Variants in DDX1 observed in about 807,000 individuals in gnomAD.
DDX1 encodes DEAD-box helicase 1.
DDX1 carries 28 observed loss-of-function variants against 108.7 expected under a neutral mutation model. The ratio of observed to expected loss-of-function variants is 0.26; its 90% CI spans 0.19 to 0.35. DDX1 has a LOEUF of 0.35. DDX1 is among the 10% of genes least tolerant of loss of function. The pLI, the probability that DDX1 is intolerant of heterozygous loss-of-function variation, is 1.00. For missense variants in DDX1, 710 were observed against 884.5 expected, an observed-to-expected ratio of 0.80 and a Z score of 2.50; for synonymous variants, 295 against 288.9, an observed-to-expected ratio of 1.02 and a Z score of -0.21.
intron 13 of DDX1, 93 bp downstream of exon 13, chr2:15,607,406 C>A: frequency 1.8e-6 from 2 of 1,136,270 alleles, no homozygotes; most frequent in Admixed American, 2.0e-5. Flanking sequence ...AGTAGAAATT[C>A]AGTGTGTATA....
intron 6 of DDX1, 88 bp from the exon 7 acceptor site, chr2:15,602,460 A>G (rs1665602098): frequency 1.1e-6 from 1 of 872,474 alleles, no homozygotes; most frequent in Non-Finnish European, 1.9e-6. Context: ...GTGAGACTGA[A>G]TGATTTTTTT....
At chr2:15,608,762 ACTC>A (rs1665710872) in intron 13 of DDX1, among the ~76,000 whole-genome samples, 1 of 145,836 alleles carries the variant, frequency 6.9e-6, no homozygotes, top group Non-Finnish European at 1.5e-5. Flanking sequence ...GTAGCCTTGA[ACTC>A]CTAGACTCAA....
intron 1 of DDX1, 148 bp downstream of exon 1, chr2:15,592,097 G>C (rs978914276): frequency 5.6e-5 from 43 of 770,394 alleles, no homozygotes; most frequent in Non-Finnish European, 7.3e-5. Context: ...ATGGACCCGC[G>C]TTGCGGGATC....
At chr2:15,594,308 A>ATATATTTTTATGATAAAGC (rs1315442243) in intron 1 of DDX1, among the ~76,000 whole-genome samples, 3 of 152,174 alleles carry the variant, frequency 2.0e-5, no homozygotes. Flanking sequence ...TTATAGGAAT[A>ATATATTTTTATGATAAAGC]TATATTTTTA....
chr2:15,621,018 T>G (rs774948553), intron 17 of DDX1, 47 bp from the exon 18 acceptor site: 1 of 1,210,832 alleles, frequency 8.3e-7, no homozygotes, highest in Non-Finnish European at 1.2e-6. Flanking sequence ...TTCTGAATCA[T>G]TATTTAACCA....
intron 19 of DDX1, 112 bp downstream of exon 19, chr2:15,623,694 C>A (rs1483302652): frequency 3.5e-6 from 3 of 854,774 alleles, no homozygotes; most frequent in Non-Finnish European, 5.5e-6. Context: ...CAGTTGATGG[C>A]ATATTTTAAG....
chr2:15,605,721 C>G (rs1031931028), intron 10 of DDX1, among the ~76,000 whole-genome samples: 9 of 151,984 alleles, frequency 5.9e-5, no homozygotes, highest in Non-Finnish European at 1.0e-4. Flanking sequence ...TTTGAAATGT[C>G]TAATGGAAAT....
At chr2:15,606,787 ACATAT>A (rs1344815384) in intron 12 of DDX1, among the ~76,000 whole-genome samples, 1 of 152,200 alleles carries the variant, frequency 6.6e-6, no homozygotes, top group African/African-American at 2.4e-5. Flanking sequence ...ATTTTTGTAG[ACATAT>A]CAATCAATTA....
intron 25 of DDX1, 130 bp downstream of exon 25, chr2:15,630,240 T>G: frequency 1.1e-6 from 1 of 887,068 alleles, no homozygotes. Context: ...CATTCCCTCC[T>G]TATTACCCTC....
chr2:15,629,043 A>G (rs1156742942), intron 23 of DDX1, among the ~76,000 whole-genome samples: 2 of 152,114 alleles, frequency 1.3e-5, no homozygotes, highest in Admixed American at 1.3e-4. Flanking sequence ...GCAAAATATA[A>G]TTTTTCCAAC....
chr2:15,594,725 A>C (rs769735946), intron 1 of DDX1, among the ~76,000 whole-genome samples: 17 of 152,230 alleles, frequency 1.1e-4, no homozygotes, highest in Admixed American at 3.3e-4. Flanking sequence ...CATAACTGCC[A>C]CATTGTCTCT....
chr2:15,618,585 T>C lies in DDX1; in HGVS notation c.1206+315T>C, dbSNP rs564873045. ...GGGCGGGTAGCTCCAGGCACTGGCA[T>C]GGGCACCGGCTCTCTGTGAGGCTGG... On this transcript the variant is annotated intron_variant, in intron 16 of 25. Transcript: ENST00000233084. Among the ~76,000 whole-genome samples the C allele has an allele frequency of 1.8e-4, 27 of 152,338 alleles. 1 individual carries two copies. In the South Asian group the frequency reaches 5.4e-3, roughly 30 times the overall value.
At chr2:15,592,137 C>T (rs566206816) in intron 1 of DDX1, among the ~76,000 whole-genome samples, 188 bp downstream of exon 1, 1 of 152,360 alleles carries the variant, frequency 6.6e-6, no homozygotes, top group South Asian at 2.1e-4. Context: ...GTTCGGAGGA[C>T]GATTCTTCCC....
intron 13 of DDX1, among the ~76,000 whole-genome samples, chr2:15,612,814 G>C (rs555996010): frequency 6.6e-6 from 1 of 152,192 alleles, no homozygotes; most frequent in Non-Finnish European, 1.5e-5. Context: ...AGACCAGCCC[G>C]GCCAACACAG....
chr2:15,618,249 C>G lies in DDX1; in HGVS notation c.1185C>G (p.Thr395=), dbSNP rs762573942. ...TGCACAATCAGATTCCTCAGGTTAC[C>G]TCTGATGGAAAAAGACTTCAGGTAT... ...NRMHNQIPQV[T]SDGKRLQVIV... The change falls in exon 16 of 26, where the codon ACC becomes ACG. Residue 395 remains threonine (T), a synonymous_variant. Coordinates refer to ENST00000233084, the MANE Select transcript of DDX1 (RefSeq NM_004939.3). 1 of 1,577,594 alleles carries G rather than the reference C, an allele frequency of 6.3e-7. No homozygotes were observed. Among genetic ancestry groups the G allele is most frequent in the Non-Finnish European group, 8.7e-7 (1 of 1,152,288 alleles).
rs769814818 is a variant in DDX1 at position 15,604,458 on chromosome 2, A to G, written c.574A>G (p.Ile192Val). Residue 192 changes from isoleucine (I) to valine (V), a missense_variant, in exon 10 of 26, where the codon ATT becomes GTT. This residue lies in a region of DDX1 where 661 missense variants were observed against 810.2 expected (regional missense o/e 0.82). Coordinates refer to ENST00000233084, the MANE Select transcript of DDX1 (RefSeq NM_004939.3). ...CTAGGAATTCACTATGCATGATACC[A>G]TTGGATGTTACCTGGATATAGATAA... ...YGEEFTMHDT[I>V]GCYLDIDKGH... is the part of the protein sequence containing the mutation. 1.2e-6 allele frequency: 2 copies of G among 1,610,976 alleles called. No individual in the cohort carries two copies. Among genetic ancestry groups the G allele is most frequent in the South Asian group, 1.1e-5 (1 of 91,012 alleles).
At chr2:15,620,940 A>G (rs1665994411) in intron 17 of DDX1, 125 bp from the exon 18 acceptor site, 2 of 594,734 alleles carry the variant, frequency 3.4e-6, no homozygotes, top group Non-Finnish European at 5.7e-6. Flanking sequence ...AGATTATATT[A>G]TGAAGACATA....
rs750724546 is a variant in DDX1 at position 15,623,574 on chromosome 2, AAGG to A, written c.1593_1594+1del. The A allele has an allele frequency of 6.2e-7, 1 of 1,612,926 alleles. No individual in the cohort carries two copies. Among genetic ancestry groups the A allele is most frequent in the South Asian group, 1.1e-5 (1 of 90,998 alleles). On this transcript the variant is annotated inframe_deletion, in exon 19 of 26. Coordinates refer to ENST00000233084, the MANE Select transcript of DDX1 (RefSeq NM_004939.3). ...AACTTGGAGCAGTACTTTATACAAC[AAGG>A]AGGAGGTAATTTTTTCTCACTTGAA...
At chr2:15,616,208 G>A (rs1305584619) in intron 14 of DDX1, among the ~76,000 whole-genome samples, 1 of 151,974 alleles carries the variant, frequency 6.6e-6, no homozygotes, top group Non-Finnish European at 1.5e-5. Context: ...CCACCGCGCC[G>A]GCCCATATAC....
Sources: allele counts gnomAD v4.1 joint callset (sites outside exome capture counted in the v4.1 genomes callset), GRCh38; gene constraint gnomAD v4.1.1; regional missense constraint gnomAD v4.1.1; transcripts MANE v1.5; gene names NCBI Gene and HGNC (gene_info 2026-07-23, HGNC 2026-07-21).